Variants in KIAA0319 observed in about 807,000 individuals in gnomAD.
KIAA0319 encodes dyslexia-associated protein KIAA0319.
In KIAA0319, 83 loss-of-function variants were observed where a neutral mutation model predicts 108.4. The observed-to-expected ratio is 0.77, with a 90% confidence interval of 0.64 to 0.92. KIAA0319 has a LOEUF of 0.92. Ranked by LOEUF, KIAA0319 falls within the 40% of genes least tolerant of loss-of-function variation. The pLI is 0.00. For synonymous variants in KIAA0319, 484 were observed against 510.4 expected (o/e 0.95, Z 0.70); for missense variants, 1,195 against 1,322.4 (o/e 0.90, Z 1.49).
intron 1 of KIAA0319, among the ~76,000 whole-genome samples, chr6:24,629,514 CAAAAAAAAA>C (rs397974257): frequency 2.4e-5 from 1 of 42,412 alleles, no homozygotes; most frequent in Non-Finnish European, 4.0e-5. Context: ...GACTCTGTCT[CAAAAAAAAA>C]AAAAAAAAGA....
At chr6:24,598,320 G>T in intron 2 of KIAA0319, 2 of 678,446 alleles carry the variant, frequency 2.9e-6, no homozygotes, top group South Asian at 3.0e-5. Flanking sequence ...AGCAGATCAA[G>T]ACCATCAACA....
chr6:24,615,308 A>C (rs1371294389), intron 1 of KIAA0319, among the ~76,000 whole-genome samples: 2 of 152,224 alleles, frequency 1.3e-5, no homozygotes, highest in Non-Finnish European at 2.9e-5. Context: ...CTCTATATAC[A>C]CATTGGTATT....
chr6:24,564,219 G>C lies in KIAA0319; in HGVS notation c.2414C>G (p.Thr805Ser). ...SQGASDTDTATVEVQPDPRKS... is the reference protein window; with the variant it reads ...SQGASDTDTASVEVQPDPRKS... The stretch of plus-strand genomic sequence containing the variant: ...GAACTCACCTGGCTGCACTTCCACA[G>C]TGGCAGTGTCTGTGTCCGAGGCCCC... Residue 805 changes from threonine (T) to serine (S), a missense_variant, in exon 15 of 21, where the codon ACT becomes AGT. Physicochemically the swap from Thr to Ser is moderately conservative, Grantham distance 58. Coordinates refer to ENST00000378214, the MANE Select transcript of KIAA0319 (RefSeq NM_014809.4). 1 of 1,614,162 alleles carries C rather than the reference G, an allele frequency of 6.2e-7. No individual in the cohort carries two copies. The highest frequency in any genetic ancestry group is 8.5e-7 in the Non-Finnish European group (1 of 1,180,028).
At chr6:24,602,296 C>G (rs964771332) in intron 1 of KIAA0319, among the ~76,000 whole-genome samples, 10 of 152,202 alleles carry the variant, frequency 6.6e-5, no homozygotes, top group African/African-American at 2.4e-4. Flanking sequence ...AGGCGTGAGC[C>G]ATCATGCCCA....
At chr6:24,593,196 C>T (rs2127513215) in intron 3 of KIAA0319, among the ~76,000 whole-genome samples, 2 of 152,140 alleles carry the variant, frequency 1.3e-5, no homozygotes, top group South Asian at 4.1e-4. Flanking sequence ...TCACTGGAAA[C>T]CCAGTTTTGC....
intron 5 of KIAA0319, among the ~76,000 whole-genome samples, chr6:24,582,759 T>C (rs966778990): frequency 1.3e-5 from 2 of 152,072 alleles, no homozygotes; most frequent in Non-Finnish European, 2.9e-5. Flanking sequence ...CATAGTATAA[T>C]ACATTGTGCT....
chr6:24,560,963 A>AT (rs1362804422), intron 16 of KIAA0319, among the ~76,000 whole-genome samples: 1 of 152,116 alleles, frequency 6.6e-6, no homozygotes, highest in Non-Finnish European at 1.5e-5. Flanking sequence ...AGGGTGTTGG[A>AT]TTTTGTCAAA....
chr6:24,611,156 T>C (rs1219556327), intron 1 of KIAA0319, among the ~76,000 whole-genome samples: 1 of 150,932 alleles, frequency 6.6e-6, no homozygotes, highest in Non-Finnish European at 1.5e-5. Context: ...GAGTAAATTA[T>C]AAGATGTACA....
intron 1 of KIAA0319, among the ~76,000 whole-genome samples, chr6:24,631,450 A>C (rs189362864): frequency 1.9e-3 from 282 of 152,368 alleles, no homozygotes; most frequent in African/African-American, 6.3e-3. Context: ...GTTGGGAGAA[A>C]GAAATGGTAA....
chr6:24,551,377 C>A (rs1210519388), intron 20 of KIAA0319, 57 bp downstream of exon 20: 2 of 1,200,788 alleles, frequency 1.7e-6, no homozygotes, highest in African/African-American at 3.0e-5. Context: ...AGCCCTCAGG[C>A]CTACCTAGGT....
At chr6:24,581,774 C>G (rs1219408989) in intron 6 of KIAA0319, among the ~76,000 whole-genome samples, 1 of 152,210 alleles carries the variant, frequency 6.6e-6, no homozygotes, top group Non-Finnish European at 1.5e-5. Flanking sequence ...CATCCAAAGC[C>G]TCTTAACCAT....
chr6:24,590,438 G>A (rs143498426), intron 3 of KIAA0319, among the ~76,000 whole-genome samples: 106 of 152,214 alleles, frequency 7.0e-4, no homozygotes, highest in Middle Eastern at 3.4e-3. Context: ...GAATTTTCAG[G>A]CATCTGGGTT....
At chr6:24,578,319 T>C (rs932236202) in intron 8 of KIAA0319, 77 bp from the exon 9 acceptor site, 1 of 1,053,698 alleles carries the variant, frequency 9.5e-7, no homozygotes, top group East Asian at 2.6e-5. Context: ...AATTATTGCA[T>C]ATTTAAATTC....
At position 24,551,610 on chromosome 6, in the gene KIAA0319, G is replaced by GACAC. The variant is rs1761523153; in HGVS notation, c.2949-86_2949-85insGTGT. Reference sequence around the variant, plus strand: ...TTTAACGCACAGTAAAGACACTAAAGGAAACATTTTGCCTTTATGATGTGA... The same window carrying GACAC: ...TTTAACGCACAGTAAAGACACTAAAGACACGAAACATTTTGCCTTTATGATGTGA... On this transcript the variant is annotated intron_variant, in intron 19 of 20. Coordinates refer to ENST00000378214, the MANE Select transcript of KIAA0319 (RefSeq NM_014809.4). The GACAC allele has an allele frequency of 3.2e-6, 3 of 946,134 alleles. No homozygotes were observed. In the African/African-American group the frequency reaches 4.9e-5, roughly 16 times the overall value. The allele number at this position is 946,134 out of a possible 1,614,324, so 58.6% of individuals were successfully genotyped here.
chr6:24,583,499 G>A (rs1766944724), intron 5 of KIAA0319, 105 bp downstream of exon 5: 11 of 773,030 alleles, frequency 1.4e-5, no homozygotes, highest in Non-Finnish European at 2.2e-5. Context: ...TTGTGACGTC[G>A]TGCAATACTG....
chr6:24,600,337 T>C (rs1356920276), intron 2 of KIAA0319, among the ~76,000 whole-genome samples: 1 of 152,146 alleles, frequency 6.6e-6, no homozygotes, highest in African/African-American at 2.4e-5. Context: ...GATCTACAAG[T>C]CATGATGGGC....
intron 1 of KIAA0319, among the ~76,000 whole-genome samples, chr6:24,614,374 T>C (rs559977450): frequency 6.6e-6 from 1 of 152,300 alleles, no homozygotes; most frequent in South Asian, 2.1e-4. Context: ...GCAGCCTTCC[T>C]CAGCTTCTCA....
At chr6:24,574,230 T>C (rs1398318348) in intron 10 of KIAA0319, among the ~76,000 whole-genome samples, 1 of 152,096 alleles carries the variant, frequency 6.6e-6, no homozygotes, top group East Asian at 1.9e-4. Flanking sequence ...GCCCAGGAGT[T>C]AGAGATCAGC....
intron 1 of KIAA0319, among the ~76,000 whole-genome samples, chr6:24,640,057 G>A (rs1020761295): frequency 6.7e-6 from 1 of 149,438 alleles, no homozygotes; most frequent in Non-Finnish European, 1.5e-5. Context: ...TTAGATTTTT[G>A]TGAGGAGAAA....
Sources: allele counts gnomAD v4.1 joint callset (sites outside exome capture counted in the v4.1 genomes callset), GRCh38; gene constraint gnomAD v4.1.1; transcripts MANE v1.5; gene names NCBI Gene and HGNC (gene_info 2026-07-23, HGNC 2026-07-21).